The following SLC35D4 variants were observed in gnomAD, a reference collection of about 807,000 sequenced individuals.
SLC35D4 encodes the protein UDP-N-acetylglucosamine transporter SLC35D4.
chr18:23,238,791 G>T, the SLC35D4 span, among the ~76,000 whole-genome samples: 1 of 152,212 alleles, frequency 6.6e-6, no homozygotes, highest in African/African-American at 2.4e-5. Context: ...GGAAATGGGG[G>T]ATCCAGGCTA....
chr18:23,352,694 T>C, the SLC35D4 span, among the ~76,000 whole-genome samples: 1 of 152,006 alleles, frequency 6.6e-6, no homozygotes, highest in Non-Finnish European at 1.5e-5. Flanking sequence ...AAACTCACCA[T>C]GTGAGAAGAG....
At chr18:23,353,705 A>AC in the SLC35D4 span, among the ~76,000 whole-genome samples, 1 of 152,126 alleles carries the variant, frequency 6.6e-6, no homozygotes, top group Admixed American at 6.5e-5. Flanking sequence ...ATGTCAAGTT[A>AC]CTCACACCCA....
the SLC35D4 span, among the ~76,000 whole-genome samples, chr18:23,317,699 C>G: frequency 1.3e-5 from 2 of 152,064 alleles, no homozygotes; most frequent in African/African-American, 4.8e-5. Context: ...ATCTGAAGAT[C>G]TACCATTGTA....
chr18:23,255,075 A>G, the SLC35D4 span, among the ~76,000 whole-genome samples: 1 of 152,254 alleles, frequency 6.6e-6, no homozygotes, highest in East Asian at 1.9e-4. Context: ...GTCTGTCCCT[A>G]ATTGTCTGGT....
the SLC35D4 span, among the ~76,000 whole-genome samples, chr18:23,408,178 C>T: frequency 9.5e-6 from 1 of 105,628 alleles, no homozygotes; most frequent in Admixed American, 1.3e-4. Context: ...CACACACACA[C>T]ACCCCTAACC....
chr18:23,357,209 A>AT, the SLC35D4 span, among the ~76,000 whole-genome samples: 4 of 150,548 alleles, frequency 2.7e-5, no homozygotes, highest in Non-Finnish European at 5.9e-5. Flanking sequence ...TTTTTTTTTC[A>AT]TTTTTATGTT....
the SLC35D4 span, chr18:23,309,807 A>G: frequency 6.7e-7 from 1 of 1,503,222 alleles, no homozygotes; most frequent in Non-Finnish European, 9.3e-7. Flanking sequence ...CTCCAATGTC[A>G]TTTTTTTCAC....
At chr18:23,275,163 G>C in the SLC35D4 span, among the ~76,000 whole-genome samples, 1 of 151,874 alleles carries the variant, frequency 6.6e-6, no homozygotes, top group East Asian at 1.9e-4. Context: ...TGTGTGCAGG[G>C]TGCAGGGAGG....
chr18:23,380,245 G>A, the SLC35D4 span, among the ~76,000 whole-genome samples: 2 of 152,086 alleles, frequency 1.3e-5, no homozygotes, highest in Non-Finnish European at 2.9e-5. Context: ...TTAATCATGG[G>A]GTAATTAACA....
At chr18:23,338,573 A>G in the SLC35D4 span, among the ~76,000 whole-genome samples, 1 of 152,156 alleles carries the variant, frequency 6.6e-6, no homozygotes, top group African/African-American at 2.4e-5. Flanking sequence ...GCTGGGTTCA[A>G]ATTAAGTCTT....
the SLC35D4 span, among the ~76,000 whole-genome samples, chr18:23,423,617 T>C: frequency 6.6e-6 from 1 of 152,148 alleles, no homozygotes; most frequent in African/African-American, 2.4e-5. Flanking sequence ...GTAAGGTAAT[T>C]AATCAATAAT....
At chr18:23,394,203 A>G in the SLC35D4 span, among the ~76,000 whole-genome samples, 1 of 152,180 alleles carries the variant, frequency 6.6e-6, no homozygotes. Flanking sequence ...ACTTCTCCAC[A>G]TCTTTACCAA....
chr18:23,343,930 C>G, the SLC35D4 span, among the ~76,000 whole-genome samples: 21 of 150,256 alleles, frequency 1.4e-4, no homozygotes, highest in Admixed American at 4.0e-4. Flanking sequence ...TGGAGTTTCG[C>G]TCTTGTTGCC....
chr18:23,437,712 T>C, the SLC35D4 span: 3,062 of 1,518,618 alleles, frequency 2.0e-3, 59 homozygotes, highest in African/African-American at 0.038. Flanking sequence ...AGGCTCCGTT[T>C]GTCACGGGAA....
the SLC35D4 span, among the ~76,000 whole-genome samples, chr18:23,248,526 T>C: frequency 1.6e-4 from 22 of 136,568 alleles, no homozygotes; most frequent in African/African-American, 5.6e-4. Flanking sequence ...TTTTTTTTTT[T>C]TTTTTTTTTT....
the SLC35D4 span, among the ~76,000 whole-genome samples, chr18:23,385,697 G>A: frequency 6.6e-6 from 1 of 152,180 alleles, no homozygotes; most frequent in Admixed American, 6.5e-5. Context: ...AAACAGGATG[G>A]TTCTGAGGGA....
chr18:23,421,534 G>C, the SLC35D4 span: 1 of 1,153,252 alleles, frequency 8.7e-7, no homozygotes, highest in African/African-American at 1.5e-5. Context: ...CTGACACAAA[G>C]AGACAAGTTC....
chr18:23,309,902 C>T, the SLC35D4 span, among the ~76,000 whole-genome samples: 1 of 152,246 alleles, frequency 6.6e-6, no homozygotes, highest in African/African-American at 2.4e-5. Context: ...GCTTCCTAGT[C>T]AGCCCCCTGT....
the SLC35D4 span, among the ~76,000 whole-genome samples, chr18:23,286,468 C>G: frequency 0.025 from 3,744 of 152,218 alleles, 145 homozygotes; most frequent in African/African-American, 0.085. Context: ...CCCTGGGACT[C>G]TGGCCCAAGG....
Sources: allele counts gnomAD v4.1 joint callset (sites outside exome capture counted in the v4.1 genomes callset), GRCh38; gene constraint gnomAD v4.1.1; transcripts MANE v1.5; gene names NCBI Gene and HGNC (gene_info 2026-07-23, HGNC 2026-07-21).